The following LPP variants were observed in gnomAD, a reference collection of about 807,000 sequenced individuals.
The protein encoded by LPP is LIM domain containing preferred translocation partner in lipoma.
A neutral mutation model predicts 60.4 loss-of-function variants in LPP; 38 were observed. That is an observed-to-expected ratio of 0.63 (90% CI 0.49 to 0.83). LPP has a LOEUF of 0.83. LPP is among the 40% of genes least tolerant of loss of function. The pLI, the probability that LPP is intolerant of heterozygous loss-of-function variation, is 0.00. For missense variants in LPP, 902 were observed against 783.6 expected (o/e 1.15, Z -1.80); for synonymous variants, 328 against 290.8 (o/e 1.13, Z -1.30).
intron 9 of LPP, among the ~76,000 whole-genome samples, chr3:188,765,510 C>G (rs556358807): frequency 1.3e-5 from 2 of 152,162 alleles, no homozygotes; most frequent in South Asian, 2.1e-4. Flanking sequence ...ATAATGCTAC[C>G]GAGCATCTGT....
intron 10 of LPP, among the ~76,000 whole-genome samples, chr3:188,869,135 G>A (rs79325358): frequency 0.037 from 5,664 of 152,244 alleles, 164 homozygotes; most frequent in Non-Finnish European, 0.061. Context: ...AAAAAGCAGA[G>A]GCACAGAGTT....
intron 8 of LPP, among the ~76,000 whole-genome samples, chr3:188,733,929 C>T (rs1010354383): frequency 1.3e-5 from 2 of 152,120 alleles, no homozygotes; most frequent in Admixed American, 6.5e-5. Flanking sequence ...TGTCCATATT[C>T]ATAGCTTCCT....
chr3:188,368,630 G>GTT (rs1771923459), intron 3 of LPP, among the ~76,000 whole-genome samples: 3 of 146,418 alleles, frequency 2.0e-5, no homozygotes, highest in Admixed American at 1.4e-4. Context: ...AAAGAAAGAG[G>GTT]TTAACTGTTT....
intron 1 of LPP, among the ~76,000 whole-genome samples, 168 bp from the exon 2 acceptor site, chr3:188,225,237 C>G: frequency 6.6e-6 from 1 of 152,148 alleles, no homozygotes; most frequent in Middle Eastern, 3.2e-3. Flanking sequence ...TTCTCTTTCC[C>G]CATCATTCTG....
chr3:188,446,887 A>G (rs1795355216), intron 4 of LPP, among the ~76,000 whole-genome samples: 1 of 152,132 alleles, frequency 6.6e-6, no homozygotes, highest in Non-Finnish European at 1.5e-5. Flanking sequence ...CTATTATAGA[A>G]CTTCTGTTTT....
intron 8 of LPP, among the ~76,000 whole-genome samples, chr3:188,748,751 C>G (rs1577329438): frequency 6.6e-6 from 1 of 152,106 alleles, no homozygotes; most frequent in Non-Finnish European, 1.5e-5. Flanking sequence ...CCGTTGCACT[C>G]CAGCTTGGGC....
intron 9 of LPP, among the ~76,000 whole-genome samples, chr3:188,789,229 A>T (rs937875237): frequency 1.3e-5 from 2 of 152,330 alleles, no homozygotes; most frequent in African/African-American, 2.4e-5. Flanking sequence ...GAAACCAAAA[A>T]AATAAGTGTG....
chr3:188,816,870 A>C (rs1577742117), intron 9 of LPP, among the ~76,000 whole-genome samples: 1 of 152,356 alleles, frequency 6.6e-6, no homozygotes, highest in East Asian at 1.9e-4. Flanking sequence ...CCGAATAGGA[A>C]TACAAGAAAT....
chr3:188,689,799 A>G (rs1213536391), intron 7 of LPP, among the ~76,000 whole-genome samples: 1 of 152,208 alleles, frequency 6.6e-6, no homozygotes, highest in African/African-American at 2.4e-5. Flanking sequence ...CCAAATCCAT[A>G]TAGCTTATTA....
intron 2 of LPP, among the ~76,000 whole-genome samples, chr3:188,306,983 A>G (rs1009671960): frequency 4.6e-5 from 7 of 152,214 alleles, no homozygotes; most frequent in African/African-American, 1.7e-4. Flanking sequence ...TAAGGACCAG[A>G]TTTGGCCTGC....
intron 9 of LPP, among the ~76,000 whole-genome samples, chr3:188,831,686 T>A (rs1163892506): frequency 6.6e-6 from 1 of 152,190 alleles, no homozygotes; most frequent in African/African-American, 2.4e-5. Context: ...TACCTTAATT[T>A]TGAAATTATA....
Position 188,657,258 on chromosome 3 carries a change from GTATATATA to G in LPP, c.1113+47430_1113+47437del, listed in dbSNP as rs148151207. On this transcript the variant is annotated intron_variant, in intron 7 of 11. Coordinates refer to ENST00000617246, the MANE Select transcript of LPP (RefSeq NM_001375462.1). ...ATAAGTTTTCAAGAGCTGTCAAGGTGTATATATATATATATATATATATTTCCAAAAGC... is the reference window on the plus strand; with the variant it reads ...ATAAGTTTTCAAGAGCTGTCAAGGTGTATATATATATATATTTCCAAAAGC... Among the ~76,000 whole-genome samples, 61 of 89,838 alleles carry G rather than the reference GTATATATA, an allele frequency of 6.8e-4. 2 individuals are homozygous for G. Among genetic ancestry groups the G allele is most frequent in the African/African-American group, 2.0e-3 (48 of 24,144 alleles). 58.9% of individuals were successfully genotyped at this position (89,838 alleles called of 152,430 possible).
chr3:188,527,243 G>A (rs1236802729), intron 6 of LPP, among the ~76,000 whole-genome samples: 3 of 150,902 alleles, frequency 2.0e-5, no homozygotes, highest in Non-Finnish European at 4.4e-5. Context: ...CCAGCTATTC[G>A]GGAGGCTGAG....
chr3:188,857,900 A>G (rs1011719335), intron 9 of LPP, among the ~76,000 whole-genome samples: 1 of 152,232 alleles, frequency 6.6e-6, no homozygotes, highest in African/African-American at 2.4e-5. Flanking sequence ...TTAATTGAAT[A>G]AATGTCTTAG....
intron 7 of LPP, among the ~76,000 whole-genome samples, chr3:188,673,317 G>A (rs1314785087): frequency 1.0e-4 from 1 of 9,672 alleles, no homozygotes; most frequent in Non-Finnish European, 3.1e-4. Context: ...GGCCCTATAT[G>A]TGGAAACAAA....
intron 1 of LPP, among the ~76,000 whole-genome samples, chr3:188,161,948 G>A (rs1049526920): frequency 6.6e-6 from 1 of 152,178 alleles, no homozygotes; most frequent in Non-Finnish European, 1.5e-5. Flanking sequence ...ATGCTTCCAT[G>A]CTAATATCAA....
intron 9 of LPP, among the ~76,000 whole-genome samples, chr3:188,818,271 A>C (rs1472045824): frequency 6.6e-6 from 1 of 152,194 alleles, no homozygotes; most frequent in Non-Finnish European, 1.5e-5. Context: ...GCTTTTTGTG[A>C]ATAATAACAT....
chr3:188,772,135 AAT>A lies in LPP; in HGVS notation c.1410+11856_1410+11857del, dbSNP rs1399950022. ...AAGCTCATGCAAAAATTGGTCCCAA[AAT>A]ATGTTTGCATTCTTATCTCCCATCA... On this transcript the variant is annotated intron_variant, in intron 9 of 11. Transcript: ENST00000617246. Among the ~76,000 whole-genome samples the A allele has an allele frequency of 2.6e-5, 4 of 152,134 alleles. No homozygotes were observed. The South Asian group carries it at 6.2e-4, about 24-fold the overall frequency.
rs1770339487 is a variant in LPP, at chr3:188,883,770, G to A, written c.*9291G>A. On this transcript the variant is annotated 3_prime_UTR_variant, in exon 12 of 12. Transcript: ENST00000617246. ...AAAAAAAAAAGGTTGGGAAATATTG[G>A]TGTATAATCCCCATGTCTAACAAGG... 1 of 185,828 alleles carries A rather than the reference G, an allele frequency of 5.4e-6. No individual in the cohort carries two copies. The highest frequency in any genetic ancestry group is 1.1e-5 in the Non-Finnish European group (1 of 90,904). The allele number at this position is 185,828 out of a possible 1,614,324, so 11.5% of individuals were successfully genotyped here.
Sources: gnomAD v4.1 joint callset for allele counts (sites outside exome capture counted in the v4.1 genomes callset) on GRCh38, gnomAD v4.1.1 for gene constraint, MANE v1.5 for transcripts, NCBI Gene and HGNC (gene_info 2026-07-23, HGNC 2026-07-21) for gene names.